Variants in DNAH7 observed in about 807,000 individuals in gnomAD.
DNAH7 encodes the protein dynein axonemal heavy chain 7, also known as axonemal beta dynein heavy chain 7.
Under a neutral mutation model 444.6 loss-of-function variants are expected in DNAH7, and 397 were observed. That is an observed-to-expected ratio of 0.89 (90% CI 0.82 to 0.97). The LOEUF is 0.97. DNAH7 is among the 50% of genes least tolerant of loss of function. DNAH7 has a pLI of 0.00. For missense variants in DNAH7, 4,902 were observed against 4,800.8 expected (o/e 1.02, Z -0.62); for synonymous variants, 1,636 against 1,624.4 (o/e 1.01, Z -0.17).
chr2:195,956,674 A>G (rs1460677098), intron 19 of DNAH7, among the ~76,000 whole-genome samples: 1 of 151,986 alleles, frequency 6.6e-6, no homozygotes, highest in African/African-American at 2.4e-5. Flanking sequence ...AGTCTTCTGA[A>G]TTGAACAAAA....
At chr2:195,886,398 T>C in intron 33 of DNAH7, 126 bp from the exon 34 acceptor site, 1 of 765,110 alleles carries the variant, frequency 1.3e-6, no homozygotes. Context: ...TCATACTACC[T>C]ACGAGTAGGT....
At position 195,865,000 on chromosome 2, in the gene DNAH7, G is replaced by C. The variant is rs375752812; in HGVS notation, c.6655C>G (p.Arg2219Gly). 1.9e-6 allele frequency: 3 copies of C among 1,600,756 alleles called. No individual in the cohort carries two copies. Among genetic ancestry groups the C allele is most frequent in the Non-Finnish European group, 2.5e-6 (3 of 1,179,208 alleles). ...CTTCTGTCTGTATTGTCCAGAAGGC[G>C]GTCATAATACACTCGAAGGACCTGT... The part of the protein sequence containing the change: ...VHEVLRVYYD[R>G]LLDNTDRSWL... Residue 2219 changes from arginine to glycine, a missense_variant, in exon 41 of 65, where the codon CGC becomes GGC. Coordinates refer to ENST00000312428, the MANE Select transcript of DNAH7 (RefSeq NM_018897.3).
At chr2:195,804,946 A>T (rs1053959427) in intron 54 of DNAH7, among the ~76,000 whole-genome samples, 1 of 152,240 alleles carries the variant, frequency 6.6e-6, no homozygotes, top group African/African-American at 2.4e-5. Flanking sequence ...AGCTGAAAGA[A>T]GTATAAAACC....
In DNAH7 at chr2:195,852,935, G is replaced by GAGAGAC. The variant is rs1699468717; in HGVS notation, c.8781+407_8781+408insGTCTCT. ...ACACACAGAGAGAGAGAGAGAGAGA[G>GAGAGAC]AGAGAGAGAGAGACAGAGTTCTGAT... On this transcript the variant is annotated intron_variant, in intron 46 of 64. Coordinates refer to ENST00000312428, the MANE Select transcript of DNAH7 (RefSeq NM_018897.3). Among the ~76,000 whole-genome samples the GAGAGAC allele has an allele frequency of 2.0e-5, 3 of 150,614 alleles. No individual in the cohort carries two copies. The South Asian group carries it at 6.3e-4, about 32-fold the overall frequency.
In DNAH7 at chr2:195,855,920, T is replaced by C. The variant is rs1012032949; in HGVS notation, c.8486A>G (p.Asp2829Gly). The C allele has an allele frequency of 6.2e-7, 1 of 1,614,016 alleles. No individual in the cohort carries two copies. Among genetic ancestry groups the C allele is most frequent in the Admixed American group, 1.7e-5 (1 of 60,018 alleles). The change falls in exon 45 of 65, where the codon GAT becomes GGT. Residue 2829 changes from aspartate (D) to glycine (G), a missense_variant. Asp to Gly is a moderately conservative substitution (Grantham distance 94, BLOSUM62 -1). Transcript: ENST00000312428. ...GGCTGCCTGCTTCTTTCTAAGACCA[T>C]CCATGGCAATTTTAAGCTCCCCTTC... Reference protein sequence around the residue: ...AAEGELKIAMDGLRKKQAALK... With the variant: ...AAEGELKIAMGGLRKKQAALK...
rs1695656768 is a variant in DNAH7 at position 195,787,082 on chromosome 2, A to T, written c.10806T>A (p.Ile3602=). The part of the protein sequence containing the change: ...RRKFGPLGWN[I]PYEFNETDLR... ...GATCTGTCTCATTGAACTCATAAGG[A>T]ATATTCCACCCTAGGGGTCCAAATT... The change falls in exon 58 of 65, where the codon ATT becomes ATA. Residue 3602 remains isoleucine (I), a synonymous_variant. Transcript: ENST00000312428. The T allele has an allele frequency of 6.2e-7, 1 of 1,612,966 alleles. No individual in the cohort carries two copies. Among genetic ancestry groups the T allele is most frequent in the African/African-American group, 1.3e-5 (1 of 74,832 alleles).
chr2:195,792,441 A>G (rs1695930038), intron 57 of DNAH7, among the ~76,000 whole-genome samples: 1 of 150,522 alleles, frequency 6.6e-6, no homozygotes, highest in African/African-American at 2.5e-5. Context: ...ACACACATTA[A>G]AAAAACAGGG....
chr2:195,815,003 A>C (rs1697156131), intron 51 of DNAH7, among the ~76,000 whole-genome samples: 1 of 151,148 alleles, frequency 6.6e-6, no homozygotes, highest in South Asian at 2.1e-4. Context: ...TGGCCTCCCA[A>C]AGTGCTGGGC....
intron 63 of DNAH7, among the ~76,000 whole-genome samples, chr2:195,743,309 T>A (rs766011327): frequency 6.6e-6 from 1 of 152,228 alleles, no homozygotes; most frequent in African/African-American, 2.4e-5. Context: ...TCGTGGGACT[T>A]TACCTTGTGA....
intron 12 of DNAH7, among the ~76,000 whole-genome samples, chr2:195,988,880 T>A (rs1693103215): frequency 6.6e-6 from 1 of 152,150 alleles, no homozygotes; most frequent in African/African-American, 2.4e-5. Context: ...ACTACTCTAC[T>A]CTTTATTTCT....
chr2:196,027,853 C>T, intron 6 of DNAH7, 107 bp downstream of exon 6: 1 of 938,018 alleles, frequency 1.1e-6, no homozygotes, highest in Non-Finnish European at 1.6e-6. Flanking sequence ...TTCCTATGTC[C>T]ACAGAGTTTC....
chr2:196,031,288 C>G (rs1331241868), intron 5 of DNAH7, among the ~76,000 whole-genome samples: 1 of 152,192 alleles, frequency 6.6e-6, no homozygotes, highest in Non-Finnish European at 1.5e-5. Flanking sequence ...GTACCAAGTC[C>G]CTAGCCTGCA....
chr2:196,039,188 T>G (rs1465594938), intron 5 of DNAH7, among the ~76,000 whole-genome samples: 2 of 152,054 alleles, frequency 1.3e-5, no homozygotes, highest in East Asian at 3.9e-4. Flanking sequence ...GAAGTAAAAC[T>G]AGAAACCAAT....
At chr2:196,055,572 G>A (rs1415543826) in intron 2 of DNAH7, among the ~76,000 whole-genome samples, 1 of 152,186 alleles carries the variant, frequency 6.6e-6, no homozygotes, top group African/African-American at 2.4e-5. Flanking sequence ...AGGGAAATAT[G>A]AGCACAACAT....
intron 57 of DNAH7, among the ~76,000 whole-genome samples, chr2:195,790,630 C>T (rs904005153): frequency 1.3e-5 from 2 of 152,120 alleles, no homozygotes; most frequent in Admixed American, 1.3e-4. Flanking sequence ...GGATAGCTGG[C>T]TAGCCATATG....
intron 63 of DNAH7, among the ~76,000 whole-genome samples, chr2:195,749,928 CA>C (rs1693691775): frequency 6.6e-6 from 1 of 151,728 alleles, no homozygotes; most frequent in Non-Finnish European, 1.5e-5. Context: ...CACATGTATA[CA>C]TATGTAACTA....
At chr2:195,794,050 T>C (rs911174944) in intron 57 of DNAH7, among the ~76,000 whole-genome samples, 1 of 152,154 alleles carries the variant, frequency 6.6e-6, no homozygotes, top group Non-Finnish European at 1.5e-5. Context: ...ACCTTGCAGA[T>C]TTGTACTGGG....
chr2:195,948,747 T>G (rs1464511194), intron 19 of DNAH7, among the ~76,000 whole-genome samples: 1 of 152,224 alleles, frequency 6.6e-6, no homozygotes, highest in Non-Finnish European at 1.5e-5. Flanking sequence ...CTTTGTTCTT[T>G]TTGCTTAGGA....
At chr2:195,741,309 C>T (rs1022401983) in intron 63 of DNAH7, among the ~76,000 whole-genome samples, 11 of 152,154 alleles carry the variant, frequency 7.2e-5, no homozygotes, top group African/African-American at 2.7e-4. Flanking sequence ...TCTCTAATGT[C>T]GTAAGAGTTA....
Sources: gnomAD v4.1 joint callset for allele counts (sites outside exome capture counted in the v4.1 genomes callset) on GRCh38, gnomAD v4.1.1 for gene constraint, MANE v1.5 for transcripts, NCBI Gene and HGNC (gene_info 2026-07-23, HGNC 2026-07-21) for gene names.